XRCC4: variants seen among roughly 807,000 people sequenced by gnomAD.
The protein encoded by XRCC4 is DNA repair protein XRCC4.
Under a neutral mutation model 39.1 loss-of-function variants are expected in XRCC4, and 28 were observed. The observed-to-expected ratio is 0.72, with a 90% CI of 0.53 to 0.98. The LOEUF is 0.98. XRCC4 is among the 50% of genes least tolerant of loss of function. The pLI is 0.00. For synonymous variants in XRCC4, 123 were observed against 126.4 expected (o/e 0.97, Z 0.18); for missense variants, 350 against 376.4 (o/e 0.93, Z 0.58).
At chr5:83,217,358 C>CAAAAAAAAAAAAAAAAAAAAAAAAAAAAA (rs59416363) in intron 6 of XRCC4, among the ~76,000 whole-genome samples, 13 of 96,142 alleles carry the variant, frequency 1.4e-4, no homozygotes, top group African/African-American at 5.6e-4. Context: ...GACTCCGTCT[C>CAAAAAAAAAAAAAAAAAAAAAAAAAAAAA]AAAAAAAAAA....
intron 7 of XRCC4, chr5:83,280,606 A>C (rs1580460120): frequency 4.9e-6 from 2 of 405,676 alleles, no homozygotes; most frequent in Non-Finnish European, 9.3e-6. Context: ...TCCCAAGACC[A>C]CCCTTCTCAA....
chr5:83,295,619 T>TGCAGAGGC (rs1755066500), intron 7 of XRCC4, among the ~76,000 whole-genome samples: 1 of 151,964 alleles, frequency 6.6e-6, no homozygotes, highest in Non-Finnish European at 1.5e-5. Flanking sequence ...GGGTGAGGTA[T>TGCAGAGGC]TCCATGAAGA....
chr5:83,110,652 A>G lies in XRCC4; in HGVS notation c.140-376A>G, dbSNP rs187526309. ...CACAGTATAGGCTATTGAATCTTTG[A>G]TGCAAGGAAGAAAGATGTTATAAAA... On this transcript the variant is annotated intron_variant, in intron 2 of 7. Transcript: ENST00000396027. Among the ~76,000 whole-genome samples, 236 of 152,148 alleles carry G rather than the reference A, an allele frequency of 1.6e-3. 3 individuals carry two copies. In the South Asian group the frequency reaches 0.019, roughly 12 times the overall value.
chr5:83,311,163 G>A, intron 7 of XRCC4: 1 of 182,422 alleles, frequency 5.5e-6, no homozygotes, highest in Non-Finnish European at 1.2e-5. Context: ...CCAGCACTGG[G>A]CTCTAGCAGG....
chr5:83,304,196 T>C (rs1335981256), intron 7 of XRCC4, among the ~76,000 whole-genome samples: 1 of 148,494 alleles, frequency 6.7e-6, no homozygotes, highest in African/African-American at 2.5e-5. Flanking sequence ...TTTTTTTTTT[T>C]TGAGACGGAG....
At chr5:83,309,017 C>T (rs530596361) in intron 7 of XRCC4, among the ~76,000 whole-genome samples, 6 of 151,786 alleles carry the variant, frequency 4.0e-5, no homozygotes, top group East Asian at 1.9e-4. Context: ...CGGTGGCTCA[C>T]GCCTGTAATC....
chr5:83,156,910 C>T (rs1435581254), intron 3 of XRCC4, among the ~76,000 whole-genome samples: 14 of 151,858 alleles, frequency 9.2e-5, no homozygotes, highest in Admixed American at 5.9e-4. Context: ...TAAATGTGGA[C>T]GTATAAAACA....
intron 1 of XRCC4, among the ~76,000 whole-genome samples, chr5:83,082,624 T>C (rs1744998214): frequency 6.6e-6 from 1 of 152,216 alleles, no homozygotes; most frequent in Non-Finnish European, 1.5e-5. Context: ...TACAATAGTC[T>C]ACATCAGTCT....
intron 6 of XRCC4, among the ~76,000 whole-genome samples, chr5:83,213,086 G>A (rs186072793): frequency 3.3e-5 from 5 of 151,892 alleles, no homozygotes; most frequent in East Asian, 1.9e-4. Flanking sequence ...AGAAGGCAGC[G>A]GTATAGCATT....
At chr5:83,108,220 C>A (rs1459852060) in intron 2 of XRCC4, among the ~76,000 whole-genome samples, 1 of 151,884 alleles carries the variant, frequency 6.6e-6, no homozygotes, top group African/African-American at 2.4e-5. Context: ...TAGAGCATCG[C>A]GTGCTTACAG....
At chr5:83,327,598 A>G (rs1025318123) in intron 7 of XRCC4, among the ~76,000 whole-genome samples, 1 of 152,094 alleles carries the variant, frequency 6.6e-6, no homozygotes, top group African/African-American at 2.4e-5. Flanking sequence ...AAAATTTTCA[A>G]ATTGTATACC....
chr5:83,321,298 C>T (rs1411578876), intron 7 of XRCC4, among the ~76,000 whole-genome samples: 1 of 152,084 alleles, frequency 6.6e-6, no homozygotes, highest in African/African-American at 2.4e-5. Context: ...TAGTTTTGAA[C>T]TTTATGATTG....
intron 7 of XRCC4, among the ~76,000 whole-genome samples, chr5:83,315,662 C>A (rs1273004733): frequency 6.6e-5 from 10 of 152,066 alleles, no homozygotes. Context: ...AGAAATGGAA[C>A]AACAAAGACT....
intron 6 of XRCC4, among the ~76,000 whole-genome samples, chr5:83,235,897 A>G (rs768147704): frequency 2.0e-5 from 3 of 152,190 alleles, no homozygotes; most frequent in African/African-American, 4.8e-5. Context: ...CAATATGCAA[A>G]AATCAGTAAT....
At chr5:83,180,760 G>T (rs1280482807) in intron 3 of XRCC4, among the ~76,000 whole-genome samples, 6 of 152,020 alleles carry the variant, frequency 3.9e-5, no homozygotes, top group Non-Finnish European at 8.8e-5. Context: ...TTCTATTCTT[G>T]CCTGGAGTAT....
intron 7 of XRCC4, among the ~76,000 whole-genome samples, chr5:83,309,094 A>G (rs901014363): frequency 1.3e-5 from 2 of 150,428 alleles, no homozygotes; most frequent in Non-Finnish European, 3.0e-5. Flanking sequence ...CCCAGCTAAC[A>G]TGGTGAAACG....
intron 3 of XRCC4, among the ~76,000 whole-genome samples, chr5:83,130,043 G>A (rs1747488192): frequency 6.6e-6 from 1 of 152,128 alleles, no homozygotes; most frequent in African/African-American, 2.4e-5. Context: ...CCTGTCTTGT[G>A]CCAGTTTTCA....
intron 6 of XRCC4, among the ~76,000 whole-genome samples, chr5:83,234,099 G>A (rs966515568): frequency 6.6e-6 from 1 of 151,964 alleles, no homozygotes; most frequent in Non-Finnish European, 1.5e-5. Flanking sequence ...AGAAAATTAG[G>A]TAATCTGCAA....
chr5:83,144,241 C>CT (rs1480654864), intron 3 of XRCC4, among the ~76,000 whole-genome samples: 5 of 146,708 alleles, frequency 3.4e-5, no homozygotes, highest in African/African-American at 7.5e-5. Context: ...TCATTTCCTT[C>CT]TTTTTTCTGG....
Sources: gnomAD v4.1 joint callset for allele counts (sites outside exome capture counted in the v4.1 genomes callset) on GRCh38, gnomAD v4.1.1 for gene constraint, MANE v1.5 for transcripts, NCBI Gene and HGNC (gene_info 2026-07-23, HGNC 2026-07-21) for gene names.